Variants in PDE4D observed in about 807,000 individuals in gnomAD.
The protein encoded by PDE4D is 3',5'-cyclic-AMP phosphodiesterase 4D.
PDE4D carries 24 observed loss-of-function variants against 87.4 expected under a neutral mutation model. The ratio of observed to expected loss-of-function variants is 0.27; its 90% CI spans 0.20 to 0.39. The LOEUF is 0.39. Among genes scored for constraint, PDE4D ranks in the 10% least tolerant of loss-of-function variants. The pLI, the probability that PDE4D is intolerant of heterozygous loss-of-function variation, is 1.00. For synonymous variants in PDE4D, 384 were observed against 383.2 expected, an observed-to-expected ratio of 1.00 and a Z score of -0.02; for missense variants, 714 against 1,041.0, an observed-to-expected ratio of 0.69 and a Z score of 4.32.
intron 1 of PDE4D, among the ~76,000 whole-genome samples, chr5:59,480,917 G>A (rs1457576127): frequency 3.3e-5 from 5 of 152,034 alleles, no homozygotes; most frequent in Non-Finnish European, 5.9e-5. Flanking sequence ...AAGGCCAATC[G>A]GCTTTAGTGT....
chr5:60,360,019 C>T (rs376312081), intron 1 of PDE4D, among the ~76,000 whole-genome samples: 14 of 152,274 alleles, frequency 9.2e-5, no homozygotes, highest in African/African-American at 3.1e-4. Flanking sequence ...AACACAATCT[C>T]GAACACCGCC....
chr5:59,851,427 G>C (rs1364334550), intron 1 of PDE4D, among the ~76,000 whole-genome samples: 1 of 151,982 alleles, frequency 6.6e-6, no homozygotes, highest in Non-Finnish European at 1.5e-5. Context: ...AACTAACAGA[G>C]ATTGATCTTA....
intron 1 of PDE4D, among the ~76,000 whole-genome samples, chr5:60,310,635 C>T (rs979350657): frequency 1.3e-5 from 2 of 152,162 alleles, no homozygotes; most frequent in African/African-American, 4.8e-5. Flanking sequence ...CTAACAGATA[C>T]CGACATTATA....
intron 3 of PDE4D, among the ~76,000 whole-genome samples, chr5:59,945,257 A>G (rs916140297): frequency 1.8e-4 from 28 of 152,370 alleles, no homozygotes; most frequent in African/African-American, 6.7e-4. Flanking sequence ...CTTTGAGAGG[A>G]GTATATCAGA....
At chr5:59,240,392 A>G (rs1757392836) in intron 1 of PDE4D, among the ~76,000 whole-genome samples, 1 of 152,202 alleles carries the variant, frequency 6.6e-6, no homozygotes, top group Non-Finnish European at 1.5e-5. Context: ...AGCAAGAAAT[A>G]ACACGAAATA....
chr5:59,215,572 T>C (rs1751062750), intron 2 of PDE4D: 3 of 551,544 alleles, frequency 5.4e-6, no homozygotes, highest in Non-Finnish European at 6.5e-6. Flanking sequence ...TGTGTGTGTG[T>C]GTGTGTGTGT....
At chr5:59,369,974 A>G (rs1282385073) in intron 1 of PDE4D, among the ~76,000 whole-genome samples, 1 of 152,160 alleles carries the variant, frequency 6.6e-6, no homozygotes, top group Non-Finnish European at 1.5e-5. Context: ...TTCAGGCCAA[A>G]AACCCTTGAA....
chr5:60,493,014 A>T (rs905895135), upstream of PDE4D, among the ~76,000 whole-genome samples: 7 of 152,202 alleles, frequency 4.6e-5, no homozygotes, highest in African/African-American at 1.4e-4. Flanking sequence ...TTTGTAAGTA[A>T]GATTTTGCCT....
At chr5:59,768,703 A>G in intron 1 of PDE4D, 1 of 1,347,040 alleles carries the variant, frequency 7.4e-7, no homozygotes. Flanking sequence ...GAAGCGTATT[A>G]AACGTCACCC....
intron 1 of PDE4D, among the ~76,000 whole-genome samples, chr5:59,530,529 G>A (rs1281025079): frequency 6.6e-6 from 1 of 151,970 alleles, no homozygotes; most frequent in Non-Finnish European, 1.5e-5. Flanking sequence ...TAAATGTTAT[G>A]TCAATAGTTA....
At chr5:59,464,185 G>A (rs950210162) in intron 1 of PDE4D, among the ~76,000 whole-genome samples, 88 of 152,208 alleles carry the variant, frequency 5.8e-4, no homozygotes, top group South Asian at 3.1e-3. Context: ...AGACCTGACC[G>A]TCCCCCAGCC....
intron 1 of PDE4D, among the ~76,000 whole-genome samples, chr5:60,330,474 C>G (rs1045783504): frequency 7.9e-5 from 12 of 152,156 alleles, no homozygotes; most frequent in African/African-American, 2.9e-4. Context: ...AGAGAATGGT[C>G]TTGGCATCCA....
chr5:60,222,396 C>T (rs1744600827), intron 1 of PDE4D, among the ~76,000 whole-genome samples: 1 of 152,110 alleles, frequency 6.6e-6, no homozygotes, highest in African/African-American at 2.4e-5. Flanking sequence ...TCCAAACCAC[C>T]TAAACCCTCA....
chr5:59,210,501 G>A (rs576247095), intron 2 of PDE4D, among the ~76,000 whole-genome samples: 8 of 152,320 alleles, frequency 5.3e-5, no homozygotes, highest in African/African-American at 1.9e-4. Flanking sequence ...GGGAGGTAGG[G>A]AGAGTATTAT....
intron 2 of PDE4D, among the ~76,000 whole-genome samples, chr5:60,053,200 C>T (rs752983654): frequency 1.3e-5 from 2 of 152,166 alleles, no homozygotes; most frequent in Non-Finnish European, 1.5e-5. Context: ...CTTTAAATTT[C>T]ATACAGAACC....
At chr5:59,832,304 C>T (rs1007909966) in intron 1 of PDE4D, among the ~76,000 whole-genome samples, 1 of 152,060 alleles carries the variant, frequency 6.6e-6, no homozygotes, top group African/African-American at 2.4e-5. Context: ...TCACTAACAT[C>T]ATTGTCCTAA....
intron 1 of PDE4D, among the ~76,000 whole-genome samples, chr5:59,363,242 G>A (rs1782510745): frequency 6.6e-6 from 1 of 152,122 alleles, no homozygotes; most frequent in South Asian, 2.1e-4. Context: ...ACATGAAAGT[G>A]TTCTGAAGAC....
chr5:59,249,980 C>T (rs1368087981), intron 1 of PDE4D, among the ~76,000 whole-genome samples: 1 of 151,984 alleles, frequency 6.6e-6, no homozygotes. Flanking sequence ...AGAGCTGGTA[C>T]TACAGGGACA....
intron 1 of PDE4D, among the ~76,000 whole-genome samples, chr5:60,310,470 T>G (rs887386228): frequency 9.9e-5 from 15 of 152,168 alleles, no homozygotes; most frequent in African/African-American, 3.6e-4. Context: ...GAACTGAAGT[T>G]TATTCTGCAA....
Sources: allele counts gnomAD v4.1 joint callset (sites outside exome capture counted in the v4.1 genomes callset), GRCh38; gene constraint gnomAD v4.1.1; transcripts MANE v1.5; gene names NCBI Gene and HGNC (gene_info 2026-07-23, HGNC 2026-07-21).